L3MBTL4: variants seen among roughly 807,000 people sequenced by gnomAD.
The protein encoded by L3MBTL4 is lethal(3)malignant brain tumor-like protein 4.
Under a neutral mutation model 84.5 loss-of-function variants are expected in L3MBTL4, and 70 were observed. The ratio of observed to expected loss-of-function variants is 0.83; its 90% CI spans 0.68 to 1.01. L3MBTL4 has a LOEUF of 1.01. L3MBTL4 is among the 50% of genes least tolerant of loss of function. The pLI, the probability that L3MBTL4 is intolerant of heterozygous loss-of-function variation, is 0.00. For missense variants in L3MBTL4, 715 were observed against 754.8 expected (o/e 0.95, Z 0.62); for synonymous variants, 274 against 259.8 (o/e 1.05, Z -0.52).
intron 16 of L3MBTL4, among the ~76,000 whole-genome samples, chr18:5,969,942 C>T (rs998068010): frequency 6.6e-6 from 1 of 152,216 alleles, no homozygotes; most frequent in African/African-American, 2.4e-5. Flanking sequence ...CAGATTGGCA[C>T]ACCAAACCAT....
At chr18:6,275,872 C>T (rs769398932) in intron 4 of L3MBTL4, among the ~76,000 whole-genome samples, 1 of 152,156 alleles carries the variant, frequency 6.6e-6, no homozygotes, top group Non-Finnish European at 1.5e-5. Flanking sequence ...CCCACAATCA[C>T]TAAGCCAAAG....
At chr18:6,266,464 C>T (rs2048637592) in intron 4 of L3MBTL4, among the ~76,000 whole-genome samples, 1 of 152,148 alleles carries the variant, frequency 6.6e-6, no homozygotes, top group African/African-American at 2.4e-5. Context: ...GAAGAAGATG[C>T]AGATGGTAAA....
At chr18:6,222,905 G>A (rs1224003456) in intron 10 of L3MBTL4, among the ~76,000 whole-genome samples, 1 of 149,956 alleles carries the variant, frequency 6.7e-6, no homozygotes, top group Non-Finnish European at 1.5e-5. Context: ...AATGGCTAAG[G>A]TTGCAACTAA....
chr18:6,267,307 C>T (rs1206231668), intron 4 of L3MBTL4, among the ~76,000 whole-genome samples: 3 of 152,142 alleles, frequency 2.0e-5, no homozygotes, highest in Admixed American at 6.5e-5. Context: ...AAATAAGACA[C>T]CAGAATTGTC....
At chr18:6,119,031 A>G (rs954632582) in intron 14 of L3MBTL4, among the ~76,000 whole-genome samples, 1 of 111,992 alleles carries the variant, frequency 8.9e-6, no homozygotes, top group South Asian at 2.8e-4. Context: ...CTAGAACAGT[A>G]TCCCTCCCTT....
rs537532144 is a variant in L3MBTL4, at chr18:6,235,552, C to T, written c.784+2412G>A. Among the ~76,000 whole-genome samples, 14 of 152,200 alleles carry T rather than the reference C, an allele frequency of 9.2e-5. No homozygotes were observed. The South Asian group carries it at 1.2e-3, about 14-fold the overall frequency. ...ACAACTTGGATGAACCTTGAAAATACGATGTCAAGTGAAAGAAGCTAGATA... is the reference window on the plus strand; with the variant it reads ...ACAACTTGGATGAACCTTGAAAATATGATGTCAAGTGAAAGAAGCTAGATA... On this transcript the variant is annotated intron_variant, in intron 10 of 18. Transcript: ENST00000317931.
Position 6,389,922 on chromosome 18 carries a change from C to T in L3MBTL4, c.-91+24879G>A, listed in dbSNP as rs182363901. 4.6e-5 allele frequency among the ~76,000 whole-genome samples: 7 copies of T among 152,228 alleles called. No homozygotes were observed. In the East Asian group the frequency reaches 1.4e-3, roughly 29 times the overall value. On this transcript the variant is annotated intron_variant, in intron 1 of 18. Coordinates refer to ENST00000317931, the MANE Select transcript of L3MBTL4 (RefSeq NM_001330559.2). ...AGAATGTCAACAAAGAAACAATGGA[C>T]TTAAACTACACACTAGAACAAATGG...
intron 5 of L3MBTL4, chr18:6,261,048 T>G (rs2048377849): frequency 6.6e-6 from 1 of 152,256 alleles, no homozygotes; most frequent in Admixed American, 6.5e-5. Flanking sequence ...ATTGGTGAGC[T>G]TAATTCTCTC....
At chr18:6,066,621 T>C (rs1411140326) in intron 16 of L3MBTL4, among the ~76,000 whole-genome samples, 1 of 152,154 alleles carries the variant, frequency 6.6e-6, no homozygotes, top group African/African-American at 2.4e-5. Flanking sequence ...TCTTTAACTG[T>C]CTTTTTTTAA....
chr18:6,067,481 C>T (rs1291570946), intron 16 of L3MBTL4, among the ~76,000 whole-genome samples: 1 of 152,186 alleles, frequency 6.6e-6, no homozygotes, highest in Non-Finnish European at 1.5e-5. Flanking sequence ...TTCTTGTACA[C>T]TTTATTCATT....
At chr18:6,069,298 C>T (rs374538459) in intron 16 of L3MBTL4, among the ~76,000 whole-genome samples, 12 of 152,276 alleles carry the variant, frequency 7.9e-5, no homozygotes, top group East Asian at 7.7e-4. Flanking sequence ...CCTTCCTGGG[C>T]GCATTCTACC....
intron 1 of L3MBTL4, among the ~76,000 whole-genome samples, chr18:6,401,333 T>C (rs924573609): frequency 2.0e-5 from 3 of 152,200 alleles, no homozygotes; most frequent in Non-Finnish European, 4.4e-5. Context: ...TTATATGTAA[T>C]GCTGCAGACT....
At chr18:6,288,961 C>A (rs567663412) in intron 4 of L3MBTL4, among the ~76,000 whole-genome samples, 1 of 151,676 alleles carries the variant, frequency 6.6e-6, no homozygotes, top group Non-Finnish European at 1.5e-5. Context: ...TCCCTTCTTG[C>A]GTCCTTAAAT....
rs2056120216 is a variant in L3MBTL4 at position 6,414,653 on chromosome 18, G to GC, written c.-91+147dup. On this transcript the variant is annotated intron_variant, in intron 1 of 18. Coordinates refer to ENST00000317931, the MANE Select transcript of L3MBTL4 (RefSeq NM_001330559.2). The surrounding 1 kb of genome is among the most constrained non-coding windows in gnomAD (Gnocchi z 5.4). ...GCCGGGACCGGGGCTATCCCCAACC[G>GC]CCACCGCCCCCACCGGCCCGGCCCT... 1.3e-5 allele frequency: 2 copies of GC among 152,112 alleles called. No homozygotes were observed. The highest frequency in any genetic ancestry group is 4.1e-4 in the South Asian group (2 of 4,830). The allele number at this position is 152,112 out of a possible 1,614,324, so 9.4% of individuals were successfully genotyped here.
chr18:6,268,281 A>C (rs140001810), intron 4 of L3MBTL4, among the ~76,000 whole-genome samples: 1,913 of 152,082 alleles, frequency 0.013, 38 homozygotes, highest in African/African-American at 0.043. Context: ...GTGACAGGAG[A>C]CTGTAATCCC....
chr18:6,028,699 T>C (rs1349675673), intron 16 of L3MBTL4, among the ~76,000 whole-genome samples: 1 of 152,248 alleles, frequency 6.6e-6, no homozygotes, highest in Non-Finnish European at 1.5e-5. Context: ...GTTTGTGTCC[T>C]CTCTTATTTC....
chr18:6,307,436 A>C (rs1349324503), intron 3 of L3MBTL4, among the ~76,000 whole-genome samples: 1 of 20,010 alleles, frequency 5.0e-5, no homozygotes, highest in Non-Finnish European at 9.2e-5. Flanking sequence ...ACTCCGTCTC[A>C]AAAAAAAAAA....
At chr18:6,000,485 A>G (rs1363778447) in intron 16 of L3MBTL4, among the ~76,000 whole-genome samples, 1 of 152,190 alleles carries the variant, frequency 6.6e-6, no homozygotes, top group Non-Finnish European at 1.5e-5. Flanking sequence ...TTATACTCAT[A>G]AAAGATAAAA....
At chr18:5,977,162 G>A (rs576041606) in intron 16 of L3MBTL4, among the ~76,000 whole-genome samples, 1 of 152,268 alleles carries the variant, frequency 6.6e-6, no homozygotes, top group African/African-American at 2.4e-5. Flanking sequence ...CAGCCCCACT[G>A]CCTGCTCCAC....
Sources: gnomAD v4.1 joint callset for allele counts (sites outside exome capture counted in the v4.1 genomes callset) on GRCh38, gnomAD v4.1.1 for gene constraint, Gnocchi (gnomAD v3.1) non-coding constraint, MANE v1.5 for transcripts, NCBI Gene and HGNC (gene_info 2026-07-23, HGNC 2026-07-21) for gene names.